GRM4: variants seen among roughly 807,000 people sequenced by gnomAD.
GRM4 encodes glutamate metabotropic receptor 4.
In GRM4, 28 loss-of-function variants were observed where a neutral mutation model predicts 81.7. The ratio of observed to expected loss-of-function variants is 0.34; its 90% CI spans 0.25 to 0.47. The LOEUF (loss-of-function observed/expected upper bound fraction) is 0.47, where lower values mean the gene tolerates loss of function less well. Ranked by LOEUF, GRM4 falls within the 20% of genes least tolerant of loss-of-function variation. The probability of loss-of-function intolerance (pLI) is 1.00; values close to 1 mark genes in which losing one functional copy is unlikely to be tolerated. For synonymous variants in GRM4, 488 were observed against 528.8 expected, an observed-to-expected ratio of 0.92 and a Z score of 1.06; for missense variants, 948 against 1,290.0, an observed-to-expected ratio of 0.73 and a Z score of 4.06.
At chr6:34,129,343 T>A (rs1461185063) in intron 2 of GRM4, among the ~76,000 whole-genome samples, 1 of 152,168 alleles carries the variant, frequency 6.6e-6, no homozygotes, top group East Asian at 1.9e-4. Flanking sequence ...TCATTCACAG[T>A]ATGGTGTAAA....
Position 34,074,177 on chromosome 6 carries a change from T to C in GRM4, c.737-12149A>G, listed in dbSNP as rs1014999299. ...ATACGACAGCCAGACTAGTGTGATA[T>C]GAGGAAGCGGAGTCTGGGCACAGAC... On this transcript the variant is annotated intron_variant, in intron 3 of 10. Coordinates refer to ENST00000538487, the MANE Select transcript of GRM4 (RefSeq NM_000841.4). This position sits in a 1 kb window ranked among gnomAD's most constrained non-coding sequence, Gnocchi z 4.9. Among the ~76,000 whole-genome samples the C allele has an allele frequency of 6.6e-6, 1 of 151,858 alleles. No homozygotes were observed. Among genetic ancestry groups the C allele is most frequent in the Non-Finnish European group, 1.5e-5 (1 of 67,978 alleles).
chr6:34,069,647 AGTGTGT>A lies in GRM4; in HGVS notation c.737-7625_737-7620del, dbSNP rs3222082. ...GGCTTTACAACCCTTGGCAGCCCCC[AGTGTGT>A]GTGTGTGTGTGTGTGTGTGTGTGTG... On this transcript the variant is annotated intron_variant, in intron 3 of 10. Transcript: ENST00000538487. This position sits in a 1 kb window ranked among gnomAD's most constrained non-coding sequence, Gnocchi z 6.4. Among the ~76,000 whole-genome samples, 598 of 144,482 alleles carry A rather than the reference AGTGTGT, an allele frequency of 4.1e-3. 1 individual carries two copies. The highest frequency in any genetic ancestry group is 8.7e-3 in the African/African-American group (352 of 40,478). 94.8% of individuals were successfully genotyped at this position (144,482 alleles called of 152,430 possible).
At position 34,092,518 on chromosome 6, in the gene GRM4, C is replaced by T. The variant is rs956186199; in HGVS notation, c.520-419G>A. Among the ~76,000 whole-genome samples the T allele has an allele frequency of 1.3e-5, 2 of 151,692 alleles. No homozygotes were observed. The highest frequency in any genetic ancestry group is 4.8e-5 in the African/African-American group (2 of 41,246). On this transcript the variant is annotated intron_variant, in intron 2 of 10. Transcript: ENST00000538487. The surrounding 1 kb of genome is among the most constrained non-coding windows in gnomAD (Gnocchi z 6.8). ...CCCATCCCATGTCCCCAGGCAGCTC[C>T]TCTGGTCAGGACCCAGCAGACCCTG...
intron 2 of GRM4, among the ~76,000 whole-genome samples, chr6:34,096,316 C>T (rs893948742): frequency 6.6e-6 from 1 of 152,190 alleles, no homozygotes; most frequent in African/African-American, 2.4e-5. Context: ...ATGACCTCAT[C>T]TCCCACATCC....
At position 34,078,815 on chromosome 6, in the gene GRM4, C is replaced by T. The variant is rs1187358138; in HGVS notation, c.736+13068G>A. 6.6e-6 allele frequency among the ~76,000 whole-genome samples: 1 copy of T among 152,162 alleles called. No homozygotes were observed. The highest frequency in any genetic ancestry group is 1.5e-5 in the Non-Finnish European group (1 of 68,040). Reference sequence around the variant, plus strand: ...GCCGTCTGCAAGAGTCGTTAGCTTTCCTTCTGGCTCATTAAAAAGCAGAAT... The same window carrying T: ...GCCGTCTGCAAGAGTCGTTAGCTTTTCTTCTGGCTCATTAAAAAGCAGAAT... On this transcript the variant is annotated intron_variant, in intron 3 of 10. Coordinates refer to ENST00000538487, the MANE Select transcript of GRM4 (RefSeq NM_000841.4). The surrounding 1 kb of genome is among the most constrained non-coding windows in gnomAD (Gnocchi z 4.8).
chr6:34,155,066 G>T, intron 1 of GRM4: 2 of 1,495,306 alleles, frequency 1.3e-6, no homozygotes, highest in Non-Finnish European at 1.8e-6. Context: ...GGATTGAGAG[G>T]CTTGTTTTTC....
chr6:34,118,834 G>A (rs1430629879), intron 2 of GRM4, among the ~76,000 whole-genome samples: 1 of 152,158 alleles, frequency 6.6e-6, no homozygotes, highest in Non-Finnish European at 1.5e-5. Context: ...TGGTTCAACA[G>A]CAAAATTGAG....
At chr6:34,124,702 G>T (rs765771855) in intron 2 of GRM4, among the ~76,000 whole-genome samples, 1 of 152,224 alleles carries the variant, frequency 6.6e-6, no homozygotes, top group Non-Finnish European at 1.5e-5. Context: ...ACGGACCGCT[G>T]CTCTAGCAGT....
chr6:34,035,464 CCAGAACCCAGAGAGAAAACTTG>C lies in GRM4; in HGVS notation c.2442+182_2442+203del. On this transcript the variant is annotated intron_variant, in intron 9 of 10. Transcript: ENST00000538487. This position sits in a 1 kb window ranked among gnomAD's most constrained non-coding sequence, Gnocchi z 6.6. ...AAAACAGAGAAAGAGGAGAGAAAAC[CCAGAACCCAGAGAGAAAACTTG>C]CAGCTGGGAGAGAAGGCAGAATGAG... Among the ~76,000 whole-genome samples, 1 of 147,778 alleles carries C rather than the reference CCAGAACCCAGAGAGAAAACTTG, an allele frequency of 6.8e-6. No homozygotes were observed. Among genetic ancestry groups the C allele is most frequent in the East Asian group, 2.0e-4 (1 of 4,892 alleles).
At chr6:34,082,768 A>G (rs1412349962) in intron 3 of GRM4, among the ~76,000 whole-genome samples, 1 of 152,260 alleles carries the variant, frequency 6.6e-6, no homozygotes, top group Admixed American at 6.5e-5. Flanking sequence ...CTGTAAGTGA[A>G]GGACTATTAC....
At position 34,062,021 on chromosome 6, in the gene GRM4, C is replaced by T; in HGVS notation, c.744G>A (p.Val248=). ...GTATCTTCACCGACTGGGCGATGCA[C>T]ACGCCCCCTGCAGGAGGGGCACCAG... is the stretch of plus-strand genomic sequence containing the variant. ...FIQKSREDGG[V]CIAQSVKIPR... Residue 248 remains valine, a synonymous_variant, in exon 4 of 11, where the codon GTG becomes GTA. Transcript: ENST00000538487. 6.2e-7 allele frequency: 1 copy of T among 1,610,272 alleles called. No homozygotes were observed.
chr6:34,050,936 G>A (rs1765583322), intron 6 of GRM4, among the ~76,000 whole-genome samples: 1 of 152,238 alleles, frequency 6.6e-6, no homozygotes, highest in African/African-American at 2.4e-5. Context: ...TATGCTGTTG[G>A]TTTCTCAGTT....
In GRM4 at chr6:34,019,197, G is replaced by A. The variant is rs930455800; in HGVS notation, c.*3624C>T. 6.6e-6 allele frequency: 1 copy of A among 152,364 alleles called. No homozygotes were observed. The highest frequency in any genetic ancestry group is 1.5e-5 in the Non-Finnish European group (1 of 68,166). The allele number at this position is 152,364 out of a possible 1,614,324, so 9.4% of individuals were successfully genotyped here. A position where few individuals can be genotyped will look rare whatever the true frequency, so the allele number is the denominator to read the frequency against. ...TAAGGATGGGAGGGGCAGACCATAAGACATTAGAGCTCAGAACAGCCCCTC... is the reference window on the plus strand; with the variant it reads ...TAAGGATGGGAGGGGCAGACCATAAAACATTAGAGCTCAGAACAGCCCCTC... On this transcript the variant is annotated 3_prime_UTR_variant, in exon 11 of 11. Coordinates refer to ENST00000538487, the MANE Select transcript of GRM4 (RefSeq NM_000841.4).
chr6:34,075,723 A>C (rs535285185), intron 3 of GRM4, among the ~76,000 whole-genome samples: 50 of 152,340 alleles, frequency 3.3e-4, no homozygotes, highest in African/African-American at 8.9e-4. Context: ...GTTAATATAC[A>C]TAAGGTGCTT....
chr6:34,044,171 T>TAGACATAC (rs1409552552), intron 6 of GRM4, among the ~76,000 whole-genome samples: 2 of 141,274 alleles, frequency 1.4e-5, no homozygotes, highest in East Asian at 2.2e-4. Context: ...TACACACACA[T>TAGACATAC]ATACATACAT....
rs1765467721 is a variant in GRM4, at chr6:34,048,662, T to G, written c.1168+7882A>C. ...CTCACCTCGAATCATAATCCCCACA[T>G]GTCAGGGAAGGGACTTGGTGGGAGG... is the stretch of plus-strand genomic sequence containing the variant. On this transcript the variant is annotated intron_variant, in intron 6 of 10. Transcript: ENST00000538487. This position sits in a 1 kb window ranked among gnomAD's most constrained non-coding sequence, Gnocchi z 4.0. Among the ~76,000 whole-genome samples, 1 of 152,096 alleles carries G rather than the reference T, an allele frequency of 6.6e-6. No individual in the cohort carries two copies. The highest frequency in any genetic ancestry group is 2.4e-5 in the African/African-American group (1 of 41,414).
rs1764674609 is a variant in GRM4 at position 34,035,889 on chromosome 6, T to C, written c.2221A>G (p.Arg741Gly). Residue 741 changes from arginine to glycine, a missense_variant, in exon 9 of 11, where the codon AGG becomes GGG. By Grantham distance (125) the Arg-to-Gly change is moderately radical. Coordinates refer to ENST00000538487, the MANE Select transcript of GRM4 (RefSeq NM_000841.4). The surrounding 1 kb of genome is among the most constrained non-coding windows in gnomAD (Gnocchi z 6.6). ...DQRTLDPRFA[R>G]GVLKCDISDL... ...GAGATGTCACACTTGAGCACACCCC[T>C]GGCGAAGCGGGGGTCGAGTGTCCGC... 6.2e-7 allele frequency: 1 copy of C among 1,608,378 alleles called. No individual in the cohort carries two copies. The highest frequency in any genetic ancestry group is 8.5e-7 in the Non-Finnish European group (1 of 1,175,414).
Position 34,092,349 on chromosome 6 carries a change from C to T in GRM4, c.520-250G>A, listed in dbSNP as rs1768281220. Among the ~76,000 whole-genome samples, 1 of 152,204 alleles carries T rather than the reference C, an allele frequency of 6.6e-6. No individual in the cohort carries two copies. The highest frequency in any genetic ancestry group is 1.5e-5 in the Non-Finnish European group (1 of 68,020). ...CACATACATACACCACACACACATACACCCTGGGAGCCTCTGGCTGCCTAA... is the reference window on the plus strand; with the variant it reads ...CACATACATACACCACACACACATATACCCTGGGAGCCTCTGGCTGCCTAA... On this transcript the variant is annotated intron_variant, in intron 2 of 10. Coordinates refer to ENST00000538487, the MANE Select transcript of GRM4 (RefSeq NM_000841.4). The surrounding 1 kb of genome is among the most constrained non-coding windows in gnomAD (Gnocchi z 6.8).
At chr6:34,155,515 C>A in exon 1 of GRM4, 1 of 576,838 alleles carries the variant, frequency 1.7e-6, no homozygotes, top group Non-Finnish European at 2.9e-6. Context: ...CATCCCAAAC[C>A]AATTAAAATC....
Sources: gnomAD v4.1 joint callset for allele counts (sites outside exome capture counted in the v4.1 genomes callset) on GRCh38, gnomAD v4.1.1 for gene constraint, Gnocchi (gnomAD v3.1) non-coding constraint, MANE v1.5 for transcripts, NCBI Gene and HGNC (gene_info 2026-07-23, HGNC 2026-07-21) for gene names.